Variants in GRID1 observed in about 807,000 individuals in gnomAD.
The protein encoded by GRID1 is glutamate receptor ionotropic, delta-1.
In GRID1, 28 loss-of-function variants were observed where a neutral mutation model predicts 98.0. The ratio of observed to expected loss-of-function variants is 0.29; its 90% CI spans 0.21 to 0.39. The LOEUF (loss-of-function observed/expected upper bound fraction) is 0.39. Ranked by LOEUF, GRID1 falls within the 10% of genes least tolerant of loss-of-function variation. The pLI, the probability that GRID1 is intolerant of heterozygous loss-of-function variation, is 1.00. For synonymous variants in GRID1, 553 were observed against 538.5 expected, an observed-to-expected ratio of 1.03 and a Z score of -0.37; for missense variants, 1,111 against 1,340.5, an observed-to-expected ratio of 0.83 and a Z score of 2.67.
At chr10:85,917,198 A>G (rs1246157235) in intron 4 of GRID1, among the ~76,000 whole-genome samples, 2 of 152,158 alleles carry the variant, frequency 1.3e-5, no homozygotes, top group African/African-American at 4.8e-5. Flanking sequence ...GTGCTTGCTG[A>G]GCCTGGGCAC....
intron 4 of GRID1, among the ~76,000 whole-genome samples, chr10:85,955,518 C>T (rs1842177685): frequency 1.3e-5 from 2 of 152,106 alleles, no homozygotes; most frequent in Admixed American, 6.5e-5. Flanking sequence ...AACAGCAGGA[C>T]CTGAGAACAT....
chr10:86,256,307 G>A lies in GRID1; in HGVS notation c.236-49659C>T, dbSNP rs555564924. ...CCATGGGCACTGAATTTGCTAAGAT[G>A]ATATCAATGTCTCAGGGTGCTGTGG... On this transcript the variant is annotated intron_variant, in intron 2 of 15. Coordinates refer to ENST00000327946, the MANE Select transcript of GRID1 (RefSeq NM_017551.3). Among the ~76,000 whole-genome samples, 6 of 152,310 alleles carry A rather than the reference G, an allele frequency of 3.9e-5. No homozygotes were observed. The East Asian group carries it at 1.2e-3, about 29-fold the overall frequency.
intron 8 of GRID1, among the ~76,000 whole-genome samples, chr10:85,772,202 C>A (rs1447500875): frequency 2.0e-5 from 3 of 152,066 alleles, no homozygotes; most frequent in South Asian, 2.1e-4. Context: ...GGAAACTGAA[C>A]AACCTGCTCC....
chr10:86,021,053 TGCC>T (rs1843041923), intron 4 of GRID1, among the ~76,000 whole-genome samples: 1 of 130 alleles, frequency 7.7e-3, no homozygotes, highest in Non-Finnish European at 0.014. Context: ...CTGACCTGCC[TGCC>T]TGCCTGCCTG....
At chr10:85,964,620 C>A (rs1842313541) in intron 4 of GRID1, among the ~76,000 whole-genome samples, 1 of 152,180 alleles carries the variant, frequency 6.6e-6, no homozygotes. Context: ...CCCTTCCTTA[C>A]ACCTTTTACA....
chr10:85,747,848 C>A (rs1377804108), intron 8 of GRID1, among the ~76,000 whole-genome samples: 2 of 152,088 alleles, frequency 1.3e-5, no homozygotes, highest in African/African-American at 4.8e-5. Flanking sequence ...CTAATTTTAC[C>A]TTTCATAGTC....
chr10:86,285,542 C>G (rs1415210226), intron 2 of GRID1, among the ~76,000 whole-genome samples: 3 of 152,206 alleles, frequency 2.0e-5, no homozygotes, highest in Admixed American at 6.5e-5. Context: ...AACCCTGTGC[C>G]ACCTCCAAGA....
intron 4 of GRID1, among the ~76,000 whole-genome samples, chr10:86,020,398 G>A (rs1027361046): frequency 4.6e-5 from 7 of 152,184 alleles, no homozygotes; most frequent in East Asian, 1.9e-4. Context: ...TGCAGGAGTC[G>A]ACACTCGCCC....
chr10:85,646,392 A>G (rs1271058660), intron 13 of GRID1: 1 of 152,466 alleles, frequency 6.6e-6, no homozygotes, highest in East Asian at 1.9e-4. Flanking sequence ...ACCTGCCTTC[A>G]TCCCACCACA....
intron 2 of GRID1, among the ~76,000 whole-genome samples, chr10:86,286,669 G>A (rs1237919844): frequency 6.6e-6 from 1 of 152,226 alleles, no homozygotes; most frequent in East Asian, 1.9e-4. Context: ...TTTCATCATA[G>A]TCCTGCCCTG....
intron 12 of GRID1, among the ~76,000 whole-genome samples, chr10:85,694,036 G>A (rs1311627993): frequency 1.3e-5 from 2 of 152,014 alleles, no homozygotes; most frequent in Non-Finnish European, 2.9e-5. Flanking sequence ...GCATTCAATA[G>A]GAGACTGATA....
At chr10:86,258,327 G>C (rs909670331) in intron 2 of GRID1, among the ~76,000 whole-genome samples, 1 of 152,168 alleles carries the variant, frequency 6.6e-6, no homozygotes, top group South Asian at 2.1e-4. Context: ...GTTGGAAGCT[G>C]TAAAAAACAA....
At chr10:85,690,527 T>G (rs935032977) in intron 12 of GRID1, among the ~76,000 whole-genome samples, 1 of 152,222 alleles carries the variant, frequency 6.6e-6, no homozygotes, top group African/African-American at 2.4e-5. Context: ...AACAATGTAC[T>G]GCTGAAATCA....
chr10:86,229,647 C>A (rs1027297326), intron 2 of GRID1, among the ~76,000 whole-genome samples: 4 of 152,092 alleles, frequency 2.6e-5, no homozygotes, highest in African/African-American at 7.2e-5. Context: ...CATTCTTAAG[C>A]AGGTTTGTCA....
At chr10:86,042,619 A>C (rs1364180198) in intron 4 of GRID1, among the ~76,000 whole-genome samples, 2 of 152,220 alleles carry the variant, frequency 1.3e-5, no homozygotes, top group African/African-American at 2.4e-5. Flanking sequence ...CAAGACCTAC[A>C]GGATGCACCA....
At chr10:86,037,888 C>CT (rs1426977454) in intron 4 of GRID1, among the ~76,000 whole-genome samples, 7 of 151,880 alleles carry the variant, frequency 4.6e-5, no homozygotes, top group South Asian at 4.2e-4. Context: ...AAAATTCATA[C>CT]GTTAAAGGCC....
intron 4 of GRID1, among the ~76,000 whole-genome samples, chr10:86,135,504 T>G (rs1216713477): frequency 6.6e-6 from 1 of 151,902 alleles, no homozygotes; most frequent in Non-Finnish European, 1.5e-5. Flanking sequence ...CACACCTTTT[T>G]AAGATGATGC....
intron 8 of GRID1, among the ~76,000 whole-genome samples, chr10:85,847,744 C>G (rs567013780): frequency 4.6e-5 from 7 of 151,236 alleles, no homozygotes; most frequent in Admixed American, 1.3e-4. Context: ...ACAAAAATAA[C>G]TGGAAGAAAG....
chr10:85,930,727 T>C (rs74633778), intron 4 of GRID1, among the ~76,000 whole-genome samples: 5,956 of 152,264 alleles, frequency 0.039, 379 homozygotes, highest in African/African-American at 0.14. Flanking sequence ...CATGTATGAA[T>C]TTTTTTAACT....
Sources: allele counts gnomAD v4.1 joint callset (sites outside exome capture counted in the v4.1 genomes callset), GRCh38; gene constraint gnomAD v4.1.1; transcripts MANE v1.5; gene names NCBI Gene and HGNC (gene_info 2026-07-23, HGNC 2026-07-21).